Variants in GRIP1 observed in about 807,000 individuals in gnomAD.
The protein encoded by GRIP1 is glutamate receptor-interacting protein 1.
GRIP1 carries 45 observed loss-of-function variants against 129.9 expected under a neutral mutation model. The observed-to-expected ratio is 0.35, with a 90% CI of 0.27 to 0.44. The LOEUF (loss-of-function observed/expected upper bound fraction) is 0.44. Among genes scored for constraint, GRIP1 ranks in the 20% least tolerant of loss-of-function variants. GRIP1 has a pLI of 1.00. For missense variants in GRIP1, 1,196 were observed against 1,396.8 expected (o/e 0.86, Z 2.29); for synonymous variants, 530 against 520.8 (o/e 1.02, Z -0.24).
intron 5 of GRIP1, among the ~76,000 whole-genome samples, chr12:66,520,955 T>C (rs1217688628): frequency 2.6e-5 from 4 of 152,222 alleles, no homozygotes; most frequent in Non-Finnish European, 5.9e-5. Context: ...AGCCAAAAAT[T>C]ACTTGTACAG....
chr12:66,879,536 T>C (rs1207589139), intron 1 of GRIP1, among the ~76,000 whole-genome samples: 1 of 151,838 alleles, frequency 6.6e-6, no homozygotes, highest in Non-Finnish European at 1.5e-5. Context: ...CCAAAGACCA[T>C]ATGTGAAGCC....
intron 1 of GRIP1, among the ~76,000 whole-genome samples, chr12:67,002,562 A>C (rs529911842): frequency 1.2e-4 from 19 of 152,256 alleles, no homozygotes; most frequent in African/African-American, 4.6e-4. Flanking sequence ...AGCACACTAA[A>C]ATTCTCTAAT....
intron 1 of GRIP1, among the ~76,000 whole-genome samples, chr12:67,052,989 G>A (rs1447339553): frequency 1.3e-5 from 2 of 152,094 alleles, no homozygotes; most frequent in Non-Finnish European, 2.9e-5. Flanking sequence ...TTCCTAGATT[G>A]TTTTCCCATA....
At chr12:67,000,545 T>TA (rs1380705674) in intron 1 of GRIP1, among the ~76,000 whole-genome samples, 7 of 152,224 alleles carry the variant, frequency 4.6e-5, no homozygotes, top group Non-Finnish European at 2.9e-5. Context: ...CTGTACTCTA[T>TA]AAACTTCCAT....
At chr12:66,911,599 G>T (rs191230396) in intron 1 of GRIP1, among the ~76,000 whole-genome samples, 3 of 152,284 alleles carry the variant, frequency 2.0e-5, no homozygotes, top group African/African-American at 7.2e-5. Flanking sequence ...TGGGATAATT[G>T]TAAGAGCAGT....
At chr12:66,584,984 T>G (rs1396077356) in intron 2 of GRIP1, among the ~76,000 whole-genome samples, 1 of 152,088 alleles carries the variant, frequency 6.6e-6, no homozygotes, top group Non-Finnish European at 1.5e-5. Context: ...CCACACTGCC[T>G]TCCCTCCCGC....
Position 66,821,124 on chromosome 12 carries a change from ACT to A in GRIP1, c.59-224199_59-224198del, listed in dbSNP as rs376652680. On this transcript the variant is annotated intron_variant, in intron 1 of 1. Transcript: ENST00000643019. The stretch of plus-strand genomic sequence containing the variant: ...ATAGGGAGGTTAGGGATACATGGGA[ACT>A]CTGTGCTTTCTGATCAATTTTGTTA... Among the ~76,000 whole-genome samples the A allele has an allele frequency of 3.4e-3, 520 of 152,252 alleles. 3 individuals are homozygous for A. Among genetic ancestry groups the A allele is most frequent in the African/African-American group, 0.012 (485 of 41,552 alleles).
At chr12:66,655,778 T>C (rs2033119276) in intron 1 of GRIP1, among the ~76,000 whole-genome samples, 3 of 151,942 alleles carry the variant, frequency 2.0e-5, no homozygotes. Flanking sequence ...CCCAGCTAAT[T>C]ATTTGTATTC....
At chr12:66,415,942 C>G (rs552664574) in intron 15 of GRIP1, among the ~76,000 whole-genome samples, 1 of 151,982 alleles carries the variant, frequency 6.6e-6, no homozygotes, top group Non-Finnish European at 1.5e-5. Context: ...GGGAGGGAGA[C>G]CATCAGGAAG....
intron 1 of GRIP1, among the ~76,000 whole-genome samples, chr12:66,972,781 T>C (rs1195838545): frequency 6.6e-6 from 1 of 152,196 alleles, no homozygotes; most frequent in African/African-American, 2.4e-5. Flanking sequence ...TTCTAATTCA[T>C]GCACACTCAG....
intron 1 of GRIP1, among the ~76,000 whole-genome samples, chr12:66,898,355 C>A (rs2137258993): frequency 6.6e-6 from 1 of 152,272 alleles, no homozygotes; most frequent in Non-Finnish European, 1.5e-5. Flanking sequence ...CCAGTTTAAA[C>A]AATTCCTTTT....
chr12:66,656,856 A>G (rs1807511078), intron 1 of GRIP1, among the ~76,000 whole-genome samples: 1 of 152,192 alleles, frequency 6.6e-6, no homozygotes, highest in South Asian at 2.1e-4. Flanking sequence ...TGAACTTTAA[A>G]GAAAATGAAT....
At chr12:66,997,096 T>C (rs1220156182) in intron 1 of GRIP1, among the ~76,000 whole-genome samples, 1 of 152,158 alleles carries the variant, frequency 6.6e-6, no homozygotes, top group African/African-American at 2.4e-5. Context: ...GAGTTCTACA[T>C]TTACTGAACA....
intron 1 of GRIP1, among the ~76,000 whole-genome samples, chr12:66,754,440 G>GT (rs2037223056): frequency 6.6e-6 from 1 of 152,120 alleles, no homozygotes; most frequent in Non-Finnish European, 1.5e-5. Flanking sequence ...GCAAGCACAC[G>GT]TGTACATCCA....
At chr12:66,691,165 C>T (rs1271947140) in intron 1 of GRIP1, among the ~76,000 whole-genome samples, 2 of 152,182 alleles carry the variant, frequency 1.3e-5, no homozygotes. Flanking sequence ...TCCAGTGCAA[C>T]CACTACTAAA....
intron 1 of GRIP1, among the ~76,000 whole-genome samples, chr12:66,796,525 T>C (rs1029005698): frequency 6.6e-6 from 1 of 152,138 alleles, no homozygotes; most frequent in African/African-American, 2.4e-5. Context: ...AGGAACACTG[T>C]ATCTCAAACG....
In GRIP1 at chr12:66,732,559, C is replaced by CA. The variant is rs796158797; in HGVS notation, c.-420+71493dup. ...CACCGTCTCAAAACAAACAAACAAA[C>CA]AAAAAAAAAACAAAAGAATGAAGAC... is the stretch of plus-strand genomic sequence containing the variant. On this transcript the variant is annotated intron_variant, in intron 1 of 4. Transcript: ENST00000538373. Among the ~76,000 whole-genome samples the CA allele has an allele frequency of 5.0e-3, 723 of 143,730 alleles. 4 individuals carry two copies. The highest frequency in any genetic ancestry group is 0.011 in the African/African-American group (421 of 39,182). The allele number at this position is 143,730 out of a possible 152,430, so 94.3% of individuals were successfully genotyped here. A position where few individuals can be genotyped will look rare whatever the true frequency, so the allele number is the denominator to read the frequency against.
chr12:66,790,687 G>A (rs962870940), intron 1 of GRIP1, among the ~76,000 whole-genome samples: 1 of 152,096 alleles, frequency 6.6e-6, no homozygotes, highest in Non-Finnish European at 1.5e-5. Flanking sequence ...GAAAGGTACT[G>A]GGAACATATT....
At chr12:66,703,893 A>G (rs2136364552) in intron 1 of GRIP1, among the ~76,000 whole-genome samples, 1 of 152,204 alleles carries the variant, frequency 6.6e-6, no homozygotes, top group East Asian at 1.9e-4. Flanking sequence ...ATGATTGCAC[A>G]CCACTGTGAC....
Sources: allele counts gnomAD v4.1 joint callset (sites outside exome capture counted in the v4.1 genomes callset), GRCh38; gene constraint gnomAD v4.1.1; transcripts MANE v1.5; gene names NCBI Gene and HGNC (gene_info 2026-07-23, HGNC 2026-07-21).